VSTM5: variants seen among roughly 807,000 people sequenced by gnomAD.
VSTM5 encodes V-set and transmembrane domain containing 5.
In VSTM5, 21 loss-of-function variants were observed where a neutral mutation model predicts 20.3. The ratio of observed to expected loss-of-function variants is 1.03; its 90% CI spans 0.73 to 1.49. The LOEUF (loss-of-function observed/expected upper bound fraction) is 1.49. VSTM5 is among the 40% of genes most tolerant of loss of function. The pLI, the probability that VSTM5 is intolerant of heterozygous loss-of-function variation, is 0.00. For missense variants in VSTM5, 219 were observed against 250.0 expected, an observed-to-expected ratio of 0.88 and a Z score of 0.84; for synonymous variants, 100 against 102.5, an observed-to-expected ratio of 0.98 and a Z score of 0.14.
At chr11:93,827,964 C>A (rs1944252398) in intron 1 of VSTM5, among the ~76,000 whole-genome samples, 1 of 152,132 alleles carries the variant, frequency 6.6e-6, no homozygotes, top group Admixed American at 6.6e-5. Flanking sequence ...AATTGCCCCT[C>A]AGAGATCAAA....
intron 1 of VSTM5, among the ~76,000 whole-genome samples, chr11:93,847,645 C>T (rs576604477): frequency 6.6e-6 from 1 of 152,352 alleles, no homozygotes; most frequent in Non-Finnish European, 1.5e-5. Flanking sequence ...TGAGAGGGAG[C>T]ACTGGGTGGG....
chr11:93,834,804 T>A (rs1350272783), intron 1 of VSTM5, among the ~76,000 whole-genome samples: 10 of 141,218 alleles, frequency 7.1e-5, no homozygotes, highest in Admixed American at 1.4e-4. Flanking sequence ...AAAAAAAAAA[T>A]TTAAAAATAA....
At chr11:93,828,237 C>T (rs565424207) in intron 1 of VSTM5, among the ~76,000 whole-genome samples, 1 of 152,264 alleles carries the variant, frequency 6.6e-6, no homozygotes, top group South Asian at 2.1e-4. Flanking sequence ...AAGAACAAGT[C>T]ACATAGTAGA....
chr11:93,846,804 G>C (rs1325676014), intron 1 of VSTM5, among the ~76,000 whole-genome samples: 2 of 134,902 alleles, frequency 1.5e-5, no homozygotes, highest in Admixed American at 1.7e-4. Context: ...GTCTCACTCT[G>C]TCACCAGGCT....
At position 93,825,744 on chromosome 11, in the gene VSTM5, C is replaced by CTTTTCT. The variant is rs1944228050; in HGVS notation, c.92-4427_92-4422dup. ...AATGGGACAGGTTTTTTTTTTCTTCCTTTTCTTTTTCTTTTCTTTTTTCTT... is the reference window on the plus strand; with the variant it reads ...AATGGGACAGGTTTTTTTTTTCTTCCTTTTCTTTTTCTTTTTCTTTTCTTTTTTCTT... On this transcript the variant is annotated intron_variant, in intron 1 of 3. Transcript: ENST00000409977. Among the ~76,000 whole-genome samples, 4 of 148,934 alleles carry CTTTTCT rather than the reference C, an allele frequency of 2.7e-5. 1 individual carries two copies. The highest frequency in any genetic ancestry group is 9.8e-5 in the African/African-American group (4 of 40,626).
intron 1 of VSTM5, among the ~76,000 whole-genome samples, chr11:93,844,860 AGC>A (rs2135740172): frequency 1.5e-5 from 1 of 66,724 alleles, no homozygotes; most frequent in Admixed American, 1.3e-4. Flanking sequence ...GCTCTTGGCA[AGC>A]TGTTCCAGGC....
chr11:93,836,458 A>G (rs534173157), intron 1 of VSTM5, among the ~76,000 whole-genome samples: 6 of 152,248 alleles, frequency 3.9e-5, no homozygotes, highest in African/African-American at 1.4e-4. Context: ...ACGCCCTCAT[A>G]CCCTGAGATC....
chr11:93,832,889 G>A (rs1020151292), intron 1 of VSTM5, among the ~76,000 whole-genome samples: 12 of 152,172 alleles, frequency 7.9e-5, no homozygotes, highest in Admixed American at 4.6e-4. Flanking sequence ...AGGCACTTGA[G>A]TATAGAGGTG....
At chr11:93,843,509 C>G (rs986426674) in intron 1 of VSTM5, among the ~76,000 whole-genome samples, 1 of 152,080 alleles carries the variant, frequency 6.6e-6, no homozygotes. Context: ...AGTCCCTCAA[C>G]TTCTTTGAGC....
intron 1 of VSTM5, 83 bp downstream of exon 1, chr11:93,850,326 GGGC>G (rs1944448620): frequency 8.2e-7 from 1 of 1,224,032 alleles, no homozygotes; most frequent in African/African-American, 1.6e-5. Context: ...AGGGCCAGGG[GGGC>G]CGCTGCTAGA....
At chr11:93,833,731 C>G (rs549130258) in intron 1 of VSTM5, among the ~76,000 whole-genome samples, 1 of 152,296 alleles carries the variant, frequency 6.6e-6, no homozygotes, top group Admixed American at 6.5e-5. Flanking sequence ...CGTGAGCTCT[C>G]TGTCCCCAGT....
intron 1 of VSTM5, among the ~76,000 whole-genome samples, chr11:93,823,651 C>T (rs555074582): frequency 3.3e-4 from 50 of 152,238 alleles, no homozygotes; most frequent in Admixed American, 2.3e-3. Context: ...CTATGTCTAG[C>T]TTATTTCATT....
At chr11:93,825,707 G>T (rs1157047102) in intron 1 of VSTM5, among the ~76,000 whole-genome samples, 1 of 150,444 alleles carries the variant, frequency 6.6e-6, no homozygotes, top group Non-Finnish European at 1.5e-5. Context: ...TATTATTTTT[G>T]ATTTTATTGT....
chr11:93,822,117 T>A (rs1944192050), intron 1 of VSTM5: 1 of 152,252 alleles, frequency 6.6e-6, no homozygotes, highest in South Asian at 2.1e-4. Flanking sequence ...GGTCTCGCTC[T>A]GTCGCCCAGG....
At chr11:93,842,793 G>A (rs1944380858) in intron 1 of VSTM5, among the ~76,000 whole-genome samples, 1 of 152,222 alleles carries the variant, frequency 6.6e-6, no homozygotes, top group Admixed American at 6.5e-5. Flanking sequence ...TGGAAGAGGG[G>A]TATAAAGTGA....
At chr11:93,834,493 C>T (rs185311767) in intron 1 of VSTM5, among the ~76,000 whole-genome samples, 1 of 152,144 alleles carries the variant, frequency 6.6e-6, no homozygotes, top group Non-Finnish European at 1.5e-5. Context: ...ACTTAAGCCC[C>T]TGGCCATGTG....
intron 1 of VSTM5, among the ~76,000 whole-genome samples, chr11:93,833,299 A>C (rs34028557): frequency 0.041 from 6,293 of 152,258 alleles, 409 homozygotes; most frequent in African/African-American, 0.14. Context: ...ACATACATGG[A>C]TGGGCATGGT....
At chr11:93,828,196 G>T (rs1443556064) in intron 1 of VSTM5, among the ~76,000 whole-genome samples, 1 of 152,160 alleles carries the variant, frequency 6.6e-6, no homozygotes, top group Non-Finnish European at 1.5e-5. Flanking sequence ...AAATTTCTAG[G>T]CATTTCCAAG....
rs1393016362 is a variant in VSTM5 at position 93,818,308 on chromosome 11, C to A, written c.*2261G>T. The A allele has an allele frequency of 1.3e-5, 2 of 151,718 alleles. No homozygotes were observed. Among genetic ancestry groups the A allele is most frequent in the East Asian group, 3.9e-4 (2 of 5,160 alleles). The allele number at this position is 151,718 out of a possible 1,614,324, so 9.4% of individuals were successfully genotyped here. ...GTTTGAAATATAATTTATAGCTTAA[C>A]ATTTACACTAGCTAATCTCTAAGAT... On this transcript the variant is annotated 3_prime_UTR_variant, in exon 4 of 4. Transcript: ENST00000409977.
Sources: gnomAD v4.1 joint callset for allele counts (sites outside exome capture counted in the v4.1 genomes callset) on GRCh38, gnomAD v4.1.1 for gene constraint, MANE v1.5 for transcripts, NCBI Gene and HGNC (gene_info 2026-07-23, HGNC 2026-07-21) for gene names.